The following CDKN2B-AS1 variants were observed in gnomAD, a reference collection of about 807,000 sequenced individuals.
The protein encoded by CDKN2B-AS1 is CDKN2B antisense RNA 1 (non-protein coding).
At chr9:22,106,507 G>A (rs1050992058) in intron 4 of CDKN2B-AS1, among the ~76,000 whole-genome samples, 2 of 152,134 alleles carry the variant, frequency 1.3e-5, no homozygotes, top group African/African-American at 2.4e-5. Context: ...ATGCGCTACC[G>A]TGCCCAGCCC....
intron 4 of CDKN2B-AS1, among the ~76,000 whole-genome samples, chr9:22,100,483 A>G (rs1296541431): frequency 6.6e-6 from 1 of 152,188 alleles, no homozygotes; most frequent in Non-Finnish European, 1.5e-5. Flanking sequence ...AAATGTCAGT[A>G]TGATACTTCA....
intron 3 of CDKN2B-AS1, among the ~76,000 whole-genome samples, chr9:22,052,577 C>A (rs1563948583): frequency 6.6e-6 from 1 of 152,174 alleles, no homozygotes; most frequent in Non-Finnish European, 1.5e-5. Flanking sequence ...GACATCAATA[C>A]TCCCACAGAG....
At chr9:22,045,178 G>C (rs1357505661) in intron 1 of CDKN2B-AS1, among the ~76,000 whole-genome samples, 2 of 151,738 alleles carry the variant, frequency 1.3e-5, no homozygotes, top group African/African-American at 2.4e-5. Context: ...GGGGAAATAT[G>C]AGTATCATGA....
intron 4 of CDKN2B-AS1, among the ~76,000 whole-genome samples, chr9:22,097,645 A>G (rs187774392): frequency 3.3e-5 from 5 of 152,330 alleles, no homozygotes; most frequent in East Asian, 1.9e-4. Context: ...CTAAAAGGGA[A>G]CTTGTTTACA....
Position 22,005,024 on chromosome 9 carries a change from AAAT to A in CDKN2B-AS1, n.29+9866_29+9868del, listed in dbSNP as rs1821095510. 1 of 233,204 alleles carries A rather than the reference AAAT, an allele frequency of 4.3e-6. No homozygotes were observed. Among genetic ancestry groups the A allele is most frequent in the African/African-American group, 2.2e-5 (1 of 45,338 alleles). 14.4% of individuals were successfully genotyped at this position (233,204 alleles called of 1,614,324 possible). ...TTATGTTACTTAAAATCTCCCCATT[AAAT>A]AAGACAGTTGCTGAACAACTAAAAA... On this transcript the variant is annotated intron_variant and non_coding_transcript_variant, in intron 1 of 4. Transcript: ENST00000650946. This position sits in a 1 kb window ranked among gnomAD's most constrained non-coding sequence, Gnocchi z 4.9.
intron 4 of CDKN2B-AS1, among the ~76,000 whole-genome samples, chr9:22,064,233 C>A (rs1435178096): frequency 1.3e-5 from 2 of 152,060 alleles, no homozygotes; most frequent in Non-Finnish European, 2.9e-5. Flanking sequence ...TCTAATGACA[C>A]AAACATAGAA....
rs1821138261 is a variant in CDKN2B-AS1, at chr9:22,005,687, C to T, written n.29+10526C>T. ...CAGTCAAGGATTTCATATGCACTTT[C>T]CCTCAGAAAACCCTGAAAAGCAAAC... On this transcript the variant is annotated intron_variant and non_coding_transcript_variant, in intron 1 of 4. Coordinates refer to ENST00000650946, the Ensembl canonical transcript of CDKN2B-AS1. The surrounding 1 kb of genome is among the most constrained non-coding windows in gnomAD (Gnocchi z 4.9). 3.8e-6 allele frequency: 2 copies of T among 526,876 alleles called. No individual in the cohort carries two copies. The highest frequency in any genetic ancestry group is 2.1e-5 in the South Asian group (1 of 47,930). 32.6% of individuals were successfully genotyped at this position (526,876 alleles called of 1,614,324 possible).
chr9:22,077,913 C>G (rs1186693568), intron 4 of CDKN2B-AS1: 1 of 152,108 alleles, frequency 6.6e-6, no homozygotes, highest in Non-Finnish European at 1.5e-5. Flanking sequence ...CTTGAATGGT[C>G]CTCAGATATC....
intron 4 of CDKN2B-AS1, among the ~76,000 whole-genome samples, chr9:22,122,695 C>T (rs1353193555): frequency 6.6e-6 from 1 of 152,068 alleles, no homozygotes; most frequent in African/African-American, 2.4e-5. Context: ...TGTTAAAAAT[C>T]AGGTGGTTGT....
Position 22,034,178 on chromosome 9 carries a change from T to C in CDKN2B-AS1, n.30-12573T>C, listed in dbSNP as rs576886183. 1.3e-3 allele frequency among the ~76,000 whole-genome samples: 193 copies of C among 152,324 alleles called. 1 individual carries two copies. Among genetic ancestry groups the C allele is most frequent in the African/African-American group, 4.6e-3 (191 of 41,582 alleles). ...TTCTTTGTTGTTACCTGGTTCTCAA[T>C]TGGTTATTACTTTATGTGCTTTCCA... On this transcript the variant is annotated intron_variant and non_coding_transcript_variant, in intron 1 of 4. Transcript: ENST00000650946.
At position 22,005,061 on chromosome 9, in the gene CDKN2B-AS1, TA is replaced by T; in HGVS notation, n.29+9901del. On this transcript the variant is annotated intron_variant and non_coding_transcript_variant, in intron 1 of 4. Transcript: ENST00000650946. This position sits in a 1 kb window ranked among gnomAD's most constrained non-coding sequence, Gnocchi z 4.9. ...TGCTGAACAACTAAAAAGTACAAAA[TA>T]TCACAAAATCAAAAAGTAGCAAGTC... The T allele has an allele frequency of 4.3e-6, 1 of 233,092 alleles. No homozygotes were observed. Among genetic ancestry groups the T allele is most frequent in the East Asian group, 6.0e-5 (1 of 16,572 alleles). The allele number at this position is 233,092 out of a possible 1,614,324, so 14.4% of individuals were successfully genotyped here. A position where few individuals can be genotyped will look rare whatever the true frequency, so the allele number is the denominator to read the frequency against.
intron 4 of CDKN2B-AS1, among the ~76,000 whole-genome samples, chr9:22,073,688 T>C (rs1337763741): frequency 6.6e-6 from 1 of 152,232 alleles, no homozygotes. Context: ...CTACCCTAAC[T>C]GCCTAAATCC....
chr9:22,074,712 C>T (rs1824428507), intron 4 of CDKN2B-AS1, among the ~76,000 whole-genome samples: 1 of 152,144 alleles, frequency 6.6e-6, no homozygotes, highest in African/African-American at 2.4e-5. Flanking sequence ...CCTGTTCTTC[C>T]CCACCCACTA....
intron 1 of CDKN2B-AS1, chr9:22,003,231 AC>A (rs1326266439): frequency 1.4e-5 from 3 of 216,846 alleles, no homozygotes; most frequent in Non-Finnish European, 2.8e-5. Flanking sequence ...TTTCAATACA[AC>A]CAGGTGGTAA....
intron 4 of CDKN2B-AS1, among the ~76,000 whole-genome samples, chr9:22,078,991 A>G (rs1193502795): frequency 1.3e-5 from 2 of 152,232 alleles, no homozygotes; most frequent in Non-Finnish European, 2.9e-5. Flanking sequence ...AGTCACCATT[A>G]TGGAAGCCTT....
At chr9:22,024,904 G>C (rs1374114976) in intron 1 of CDKN2B-AS1, among the ~76,000 whole-genome samples, 2 of 152,206 alleles carry the variant, frequency 1.3e-5, no homozygotes, top group Non-Finnish European at 2.9e-5. Context: ...CAGCACCCAA[G>C]ATGGCCCTAG....
intron 4 of CDKN2B-AS1, among the ~76,000 whole-genome samples, chr9:22,107,699 T>C (rs2131363688): frequency 6.6e-6 from 1 of 152,290 alleles, no homozygotes; most frequent in Middle Eastern, 3.4e-3. Context: ...TTTTCTGGTC[T>C]TGTAGAGAAT....
chr9:21,995,522 G>C lies in CDKN2B-AS1; in HGVS notation n.29+361G>C, dbSNP rs1321569987. 1 of 152,616 alleles carries C rather than the reference G, an allele frequency of 6.6e-6. No homozygotes were observed. The highest frequency in any genetic ancestry group is 1.5e-5 in the Non-Finnish European group (1 of 68,330). The allele number at this position is 152,616 out of a possible 1,614,324, so 9.5% of individuals were successfully genotyped here. A position where few individuals can be genotyped will look rare whatever the true frequency, so the allele number is the denominator to read the frequency against. On this transcript the variant is annotated intron_variant and non_coding_transcript_variant, in intron 1 of 4. Transcript: ENST00000650946. This position sits in a 1 kb window ranked among gnomAD's most constrained non-coding sequence, Gnocchi z 5.7. ...CTCCTCGGCGTACGTTCTCTCTCCG[G>C]TCTCCCCCTCCATGTCCCCTCCTCC...
intron 1 of CDKN2B-AS1, among the ~76,000 whole-genome samples, chr9:22,029,080 G>A (rs764922433): frequency 2.0e-5 from 3 of 151,760 alleles, no homozygotes; most frequent in Non-Finnish European, 2.9e-5. Context: ...TCCAAGGGAC[G>A]GTGGTGAAAG....
Sources: gnomAD v4.1 joint callset for allele counts (sites outside exome capture counted in the v4.1 genomes callset) on GRCh38, gnomAD v4.1.1 for gene constraint, Gnocchi (gnomAD v3.1) non-coding constraint, MANE v1.5 for transcripts, NCBI Gene and HGNC (gene_info 2026-07-23, HGNC 2026-07-21) for gene names.